Variants in GORASP1 observed in about 807,000 individuals in gnomAD.
The protein encoded by GORASP1 is Golgi reassembly-stacking protein 1.
A neutral mutation model predicts 37.7 loss-of-function variants in GORASP1; 31 were observed. The observed-to-expected ratio is 0.82, with a 90% confidence interval of 0.62 to 1.11. The LOEUF (loss-of-function observed/expected upper bound fraction) is 1.11. Among genes scored for constraint, GORASP1 ranks in the 50% least tolerant of loss-of-function variants. The pLI is 0.00. For missense variants in GORASP1, 476 were observed against 560.7 expected (o/e 0.85, Z 1.53); for synonymous variants, 204 against 224.8 (o/e 0.91, Z 0.83).
Position 39,103,662 on chromosome 3 carries a change from CAT to C in GORASP1, c.64-111_64-110del, listed in dbSNP as rs1452055437. 26 of 729,022 alleles carry C rather than the reference CAT, an allele frequency of 3.6e-5. No individual in the cohort carries two copies. Among genetic ancestry groups the C allele is most frequent in the Middle Eastern group, 2.4e-4 (1 of 4,132 alleles). 45.2% of individuals were successfully genotyped at this position (729,022 alleles called of 1,614,324 possible). ...CACTCCCAGTGTGCCAGCCAGAACA[CAT>C]GTCTGGCATGAACTGTTCCGGACAT... On this transcript the variant is annotated intron_variant, in intron 1 of 8. Coordinates refer to ENST00000319283, the MANE Select transcript of GORASP1 (RefSeq NM_031899.4). This position sits in a 1 kb window ranked among gnomAD's most constrained non-coding sequence, Gnocchi z 5.2.
In GORASP1 at chr3:39,100,198, A is replaced by T. The variant is rs2035605503; in HGVS notation, c.765+107T>A. ...TGCTCCCACTGGGTCCCAGAAGTAC[A>T]TGGGCCTCTCAGATCACAAAGGCCC... On this transcript the variant is annotated intron_variant, in intron 6 of 8. Coordinates refer to ENST00000319283, the MANE Select transcript of GORASP1 (RefSeq NM_031899.4). The surrounding 1 kb of genome is among the most constrained non-coding windows in gnomAD (Gnocchi z 4.6). 2.0e-6 allele frequency: 2 copies of T among 992,868 alleles called. No homozygotes were observed. The highest frequency in any genetic ancestry group is 3.2e-6 in the Non-Finnish European group (2 of 633,456). The allele number at this position is 992,868 out of a possible 1,614,324, so 61.5% of individuals were successfully genotyped here. A position where few individuals can be genotyped will look rare whatever the true frequency, so the allele number is the denominator to read the frequency against.
At position 39,098,701 on chromosome 3, in the gene GORASP1, G is replaced by GGAA; in HGVS notation, c.1069+39_1069+40insTTC. Reference sequence around the variant, plus strand: ...GAGGGCAGCCTTCCCAACAACCCGGGGTCCTTCCCAGAGGACTTCGGAAGG... The same window carrying GGAA: ...GAGGGCAGCCTTCCCAACAACCCGGGGAAGTCCTTCCCAGAGGACTTCGGAAGG... On this transcript the variant is annotated intron_variant, in intron 8 of 8. Coordinates refer to ENST00000319283, the MANE Select transcript of GORASP1 (RefSeq NM_031899.4). This position sits in a 1 kb window ranked among gnomAD's most constrained non-coding sequence, Gnocchi z 4.7. 1 of 1,603,034 alleles carries GGAA rather than the reference G, an allele frequency of 6.2e-7. No homozygotes were observed. Among genetic ancestry groups the GGAA allele is most frequent in the Non-Finnish European group, 8.5e-7 (1 of 1,173,840 alleles).
Position 39,103,769 on chromosome 3 carries a change from A to T in GORASP1, c.64-216T>A. On this transcript the variant is annotated intron_variant, in intron 1 of 8. Coordinates refer to ENST00000319283, the MANE Select transcript of GORASP1 (RefSeq NM_031899.4). The surrounding 1 kb of genome is among the most constrained non-coding windows in gnomAD (Gnocchi z 5.2). ...TTAGGAAAATGGCTCCTTCCTGATTATGATCCACAGATGCTTTCAGAAATG... is the reference window on the plus strand; with the variant it reads ...TTAGGAAAATGGCTCCTTCCTGATTTTGATCCACAGATGCTTTCAGAAATG... The T allele has an allele frequency of 2.1e-6, 1 of 483,660 alleles. No individual in the cohort carries two copies. Among genetic ancestry groups the T allele is most frequent in the Middle Eastern group, 5.2e-4 (1 of 1,938 alleles). The allele number at this position is 483,660 out of a possible 1,614,324, so 30.0% of individuals were successfully genotyped here. A position where few individuals can be genotyped will look rare whatever the true frequency, so the allele number is the denominator to read the frequency against.
At position 39,098,852 on chromosome 3, in the gene GORASP1, T is replaced by C. The variant is rs1390475276; in HGVS notation, c.958A>G (p.Asn320Asp). The C allele has an allele frequency of 1.9e-6, 3 of 1,614,128 alleles. No individual in the cohort carries two copies. The highest frequency in any genetic ancestry group is 2.5e-6 in the Non-Finnish European group (3 of 1,180,000). The change falls in exon 8 of 9, where the codon AAT becomes GAT. Residue 320 changes from asparagine (N) to aspartate (D), a missense_variant. Asn to Asp is a conservative substitution (Grantham distance 23). Transcript: ENST00000319283. The surrounding 1 kb of genome is among the most constrained non-coding windows in gnomAD (Gnocchi z 4.7). ...GGCAGGCTGGGCCACACACTGGCAT[T>C]GCTGTTGTCCAAGAGAGAAATTCCC... ...VSGISLLDNS[N>D]ASVWPSLPSS...
Position 39,098,675 on chromosome 3 carries a change from T to C in GORASP1, c.1069+66A>G. 23 of 1,575,772 alleles carry C rather than the reference T, an allele frequency of 1.5e-5. No homozygotes were observed. Among genetic ancestry groups the C allele is most frequent in the Non-Finnish European group, 2.0e-5 (23 of 1,158,964 alleles). ...GCCCACTTCTGCCCAGCTGAGGAAT[T>C]GAGGGCAGCCTTCCCAACAACCCGG... is the stretch of plus-strand genomic sequence containing the variant. On this transcript the variant is annotated intron_variant, in intron 8 of 8. Coordinates refer to ENST00000319283, the MANE Select transcript of GORASP1 (RefSeq NM_031899.4). This position sits in a 1 kb window ranked among gnomAD's most constrained non-coding sequence, Gnocchi z 4.7.
In GORASP1 at chr3:39,099,588, C is replaced by A. The variant is rs189394291; in HGVS notation, c.766-85G>T. ...TTTGCAGTCCAACCTAACCACCAGT[C>A]CCCACTTGTCCCAGGAACACTGCTC... On this transcript the variant is annotated intron_variant, in intron 6 of 8. Coordinates refer to ENST00000319283, the MANE Select transcript of GORASP1 (RefSeq NM_031899.4). The A allele has an allele frequency of 3.0e-5, 40 of 1,341,880 alleles. No homozygotes were observed. In the African/African-American group the frequency reaches 5.4e-4, roughly 18 times the overall value. The allele number at this position is 1,341,880 out of a possible 1,614,324, so 83.1% of individuals were successfully genotyped here.
intron 3 of GORASP1, 139 bp from the exon 4 acceptor site, chr3:39,101,241 TC>T (rs2035689896): frequency 1.4e-6 from 1 of 728,730 alleles, no homozygotes. Context: ...AAGCCCATAC[TC>T]CCTCATTTCA....
At position 39,096,750 on chromosome 3, in the gene GORASP1, G is replaced by T. The variant is rs117482778; in HGVS notation, c.*1486C>A. 2 of 152,112 alleles carry T rather than the reference G, an allele frequency of 1.3e-5. No individual in the cohort carries two copies. Among genetic ancestry groups the T allele is most frequent in the Non-Finnish European group, 2.9e-5 (2 of 68,010 alleles). 9.4% of individuals were successfully genotyped at this position (152,112 alleles called of 1,614,324 possible). A position where few individuals can be genotyped will look rare whatever the true frequency, so the allele number is the denominator to read the frequency against. On this transcript the variant is annotated 3_prime_UTR_variant, in exon 9 of 9. Transcript: ENST00000319283. Reference sequence around the variant, plus strand: ...GAAAGAAAGAAACCTCTGGTTTCATGTTCTCCCTGGAAATATTAGCATTGA... The same window carrying T: ...GAAAGAAAGAAACCTCTGGTTTCATTTTCTCCCTGGAAATATTAGCATTGA...
At position 39,100,555 on chromosome 3, in the gene GORASP1, T is replaced by C. The variant is rs111281998; in HGVS notation, c.567-52A>G. On this transcript the variant is annotated intron_variant, in intron 5 of 8. Transcript: ENST00000319283. This position sits in a 1 kb window ranked among gnomAD's most constrained non-coding sequence, Gnocchi z 4.6. Reference sequence around the variant, plus strand: ...CAGGGGCTTGTCCCACGGCCCTCCCTACCTTTGCTATCCCCACCTACTACC... The same window carrying C: ...CAGGGGCTTGTCCCACGGCCCTCCCCACCTTTGCTATCCCCACCTACTACC... 1 of 1,511,616 alleles carries C rather than the reference T, an allele frequency of 6.6e-7. No individual in the cohort carries two copies. Among genetic ancestry groups the C allele is most frequent in the Non-Finnish European group, 8.9e-7 (1 of 1,127,114 alleles). The allele number at this position is 1,511,616 out of a possible 1,614,324, so 93.6% of individuals were successfully genotyped here.
rs2035967051 is a variant in GORASP1 at position 39,105,224 on chromosome 3, C to T, written c.64-1671G>A. Among the ~76,000 whole-genome samples, 1 of 151,956 alleles carries T rather than the reference C, an allele frequency of 6.6e-6. No individual in the cohort carries two copies. Among genetic ancestry groups the T allele is most frequent in the Non-Finnish European group, 1.5e-5 (1 of 68,010 alleles). ...CAGCTGAAATAATCTATGCTGCTGC[C>T]CACTGTACGGCTCCCCCTGCAGAAA... On this transcript the variant is annotated intron_variant, in intron 1 of 8. Coordinates refer to ENST00000319283, the MANE Select transcript of GORASP1 (RefSeq NM_031899.4). This position sits in a 1 kb window ranked among gnomAD's most constrained non-coding sequence, Gnocchi z 5.4.
In GORASP1 at chr3:39,100,274, T is replaced by G. The variant is rs1436325306; in HGVS notation, c.765+31A>C. 1 of 1,602,018 alleles carries G rather than the reference T, an allele frequency of 6.2e-7. No homozygotes were observed. The highest frequency in any genetic ancestry group is 8.6e-7 in the Non-Finnish European group (1 of 1,169,124). ...CAAGGGCAGCCTCTAGAGTTTTCTG[T>G]CTTCCCAGTTGGCAGATTCTCCCCA... On this transcript the variant is annotated intron_variant, in intron 6 of 8. Transcript: ENST00000319283. The surrounding 1 kb of genome is among the most constrained non-coding windows in gnomAD (Gnocchi z 4.6).
chr3:39,098,056 T>C lies in GORASP1; in HGVS notation c.*180A>G. 1.5e-6 allele frequency: 1 copy of C among 687,762 alleles called. No individual in the cohort carries two copies. 42.6% of individuals were successfully genotyped at this position (687,762 alleles called of 1,614,324 possible). ...CCAGAGCAGGACCAAGCACTGGACCTGAGGGTACACGGCCAAAAGATATCC... is the reference window on the plus strand; with the variant it reads ...CCAGAGCAGGACCAAGCACTGGACCCGAGGGTACACGGCCAAAAGATATCC... On this transcript the variant is annotated 3_prime_UTR_variant, in exon 9 of 9. Coordinates refer to ENST00000319283, the MANE Select transcript of GORASP1 (RefSeq NM_031899.4). This position sits in a 1 kb window ranked among gnomAD's most constrained non-coding sequence, Gnocchi z 4.7.
Position 39,103,179 on chromosome 3 carries a change from TGCCCCTTGGCCAGG to T in GORASP1, c.144+280_144+293del, listed in dbSNP as rs2035829147. The T allele has an allele frequency of 1.7e-6, 1 of 590,226 alleles. No homozygotes were observed. Among genetic ancestry groups the T allele is most frequent in the Non-Finnish European group, 3.0e-6 (1 of 331,396 alleles). 36.6% of individuals were successfully genotyped at this position (590,226 alleles called of 1,614,324 possible). The stretch of plus-strand genomic sequence containing the variant: ...ATTCCAGTGCTGCCCCACTCTGAGC[TGCCCCTTGGCCAGG>T]GCCCTCATATCCCTCATGCCCCAGG... On this transcript the variant is annotated intron_variant, in intron 2 of 8. Transcript: ENST00000319283. This position sits in a 1 kb window ranked among gnomAD's most constrained non-coding sequence, Gnocchi z 5.2.
chr3:39,101,349 G>T, intron 3 of GORASP1: 1 of 600,566 alleles, frequency 1.7e-6, no homozygotes, highest in Non-Finnish European at 3.0e-6. Context: ...TCTGACCCCG[G>T]GCTCAACCCC....
At chr3:39,099,528 G>A (rs771822519) in intron 6 of GORASP1, 25 bp from the exon 7 acceptor site, 1 of 1,602,102 alleles carries the variant, frequency 6.2e-7, no homozygotes, top group East Asian at 2.2e-5. Flanking sequence ...GAAATGGGTA[G>A]GGGACAATCA....
Position 39,102,490 on chromosome 3 carries a change from G to C in GORASP1, c.348+188C>G. 1 of 633,154 alleles carries C rather than the reference G, an allele frequency of 1.6e-6. No homozygotes were observed. The highest frequency in any genetic ancestry group is 2.8e-6 in the Non-Finnish European group (1 of 352,570). 39.2% of individuals were successfully genotyped at this position (633,154 alleles called of 1,614,324 possible). A position where few individuals can be genotyped will look rare whatever the true frequency, so the allele number is the denominator to read the frequency against. ...ACAGGAAGCAAGATACACTGTTCAG[G>C]TAGTAATGAGCTGCCCTCTCTGGGA... On this transcript the variant is annotated intron_variant, in intron 3 of 8. Transcript: ENST00000319283. This position sits in a 1 kb window ranked among gnomAD's most constrained non-coding sequence, Gnocchi z 5.0.
In GORASP1 at chr3:39,102,047, T is replaced by C. The variant is rs967242731; in HGVS notation, c.348+631A>G. 1.3e-5 allele frequency among the ~76,000 whole-genome samples: 2 copies of C among 149,806 alleles called. No homozygotes were observed. The highest frequency in any genetic ancestry group is 2.9e-5 in the Non-Finnish European group (2 of 67,928). ...ACAGGGATATATTCTGAGAAATGCA[T>C]TGTTAGTTGACTTCATTGTTGTGCA... On this transcript the variant is annotated intron_variant, in intron 3 of 8. Coordinates refer to ENST00000319283, the MANE Select transcript of GORASP1 (RefSeq NM_031899.4). The surrounding 1 kb of genome is among the most constrained non-coding windows in gnomAD (Gnocchi z 5.0).
chr3:39,099,281 A>G (rs1268616635), intron 7 of GORASP1, 72 bp downstream of exon 7: 4 of 1,561,780 alleles, frequency 2.6e-6, no homozygotes, highest in Non-Finnish European at 1.8e-6. Context: ...AGGCCTGGGG[A>G]AAGTTTTGAC....
intron 1 of GORASP1, among the ~76,000 whole-genome samples, chr3:39,104,511 G>C (rs978102890): frequency 9.2e-5 from 14 of 152,182 alleles, no homozygotes; most frequent in African/African-American, 3.4e-4. Context: ...ATAACCTGTT[G>C]GCGTAGACAC....
Sources: gnomAD v4.1 joint callset for allele counts (sites outside exome capture counted in the v4.1 genomes callset) on GRCh38, gnomAD v4.1.1 for gene constraint, Gnocchi (gnomAD v3.1) non-coding constraint, MANE v1.5 for transcripts, NCBI Gene and HGNC (gene_info 2026-07-23, HGNC 2026-07-21) for gene names.